Variants in CREG1 observed in about 807,000 individuals in gnomAD.
The protein encoded by CREG1 is protein CREG1.
Under a neutral mutation model 19.9 loss-of-function variants are expected in CREG1, and 20 were observed. That is an observed-to-expected ratio of 1.01 (90% CI 0.71 to 1.46). The LOEUF is 1.46. CREG1 is among the 40% of genes most tolerant of loss of function. The probability of loss-of-function intolerance (pLI) is 0.00; values close to 1 mark genes in which losing one functional copy is unlikely to be tolerated. For missense variants in CREG1, 290 were observed against 314.9 expected (o/e 0.92, Z 0.60); for synonymous variants, 141 against 143.3 (o/e 0.98, Z 0.12).
chr1:167,553,291 G>T, intron 1 of CREG1, 97 bp downstream of exon 1: 2 of 993,572 alleles, frequency 2.0e-6, no homozygotes, highest in Non-Finnish European at 2.7e-6. Flanking sequence ...TTCGAGCCAC[G>T]CTCCACTTCC....
intron 3 of CREG1, among the ~76,000 whole-genome samples, chr1:167,542,606 C>T (rs972910897): frequency 6.6e-6 from 1 of 152,196 alleles, no homozygotes; most frequent in Non-Finnish European, 1.5e-5. Context: ...AGGCCACTGC[C>T]GTGGCTGCTG....
chr1:167,543,485 C>T (rs1656264706), intron 3 of CREG1, among the ~76,000 whole-genome samples: 1 of 132,534 alleles, frequency 7.5e-6, no homozygotes, highest in African/African-American at 2.5e-5. Context: ...CCTTCCAAAA[C>T]CGATCTGGGC....
At chr1:167,545,988 C>T in intron 3 of CREG1, 113 bp downstream of exon 3, 1 of 726,036 alleles carries the variant, frequency 1.4e-6, no homozygotes, top group South Asian at 2.8e-5. Context: ...GCGGCTTTAC[C>T]AGACTGCCCA....
At chr1:167,549,434 G>A (rs1001116064) in intron 1 of CREG1, among the ~76,000 whole-genome samples, 1 of 151,172 alleles carries the variant, frequency 6.6e-6, no homozygotes, top group Non-Finnish European at 1.5e-5. Flanking sequence ...ACCCAGGCTG[G>A]AGTGCAGTGG....
At chr1:167,548,203 G>A in intron 1 of CREG1, 82 bp from the exon 2 acceptor site, 3 of 1,123,130 alleles carry the variant, frequency 2.7e-6, no homozygotes, top group Non-Finnish European at 1.3e-6. Flanking sequence ...CATACATGAT[G>A]TCCCTAGAGC....
chr1:167,553,587 C>A lies in CREG1; in HGVS notation c.155G>T (p.Arg52Leu). 7.0e-7 allele frequency: 1 copy of A among 1,429,380 alleles called. No homozygotes were observed. The highest frequency in any genetic ancestry group is 9.1e-7 in the Non-Finnish European group (1 of 1,096,374). The allele number at this position is 1,429,380 out of a possible 1,614,324, so 88.5% of individuals were successfully genotyped here. A position where few individuals can be genotyped will look rare whatever the true frequency, so the allele number is the denominator to read the frequency against. ...GCGGGCCACGCGCGCCGCGTCCTCGCGGGGTGGTAGCGGCGGCAGCCGGGA... is the reference window on the plus strand; with the variant it reads ...GCGGGCCACGCGCGCCGCGTCCTCGAGGGGTGGTAGCGGCGGCAGCCGGGA... ...EASRLPPLPP[R>L]EDAARVARFV... is the part of the protein sequence containing the mutation. Residue 52 changes from arginine (R) to leucine (L), a missense_variant, in exon 1 of 4, where the codon CGC (arginine) becomes CTC (leucine). Arg to Leu is a moderately radical substitution (Grantham distance 102). Coordinates refer to ENST00000370509, the MANE Select transcript of CREG1 (RefSeq NM_003851.3).
chr1:167,546,317 T>C (rs1162443146), intron 2 of CREG1, 32 bp from the exon 3 acceptor site: 2 of 1,384,116 alleles, frequency 1.4e-6, no homozygotes, highest in African/African-American at 2.9e-5. Flanking sequence ...AACATTCTTA[T>C]GGCAGTAACA....
intron 1 of CREG1, among the ~76,000 whole-genome samples, chr1:167,549,646 G>A (rs1164763442): frequency 6.6e-6 from 1 of 151,966 alleles, no homozygotes; most frequent in Non-Finnish European, 1.5e-5. Context: ...GCCTCCCAAA[G>A]TGCTGGGATT....
At chr1:167,550,752 A>G (rs911934042) in intron 1 of CREG1, among the ~76,000 whole-genome samples, 1 of 152,196 alleles carries the variant, frequency 6.6e-6, no homozygotes, top group African/African-American at 2.4e-5. Context: ...GCAGAAATAT[A>G]GAGAACTTTG....
intron 2 of CREG1, among the ~76,000 whole-genome samples, chr1:167,547,065 A>G (rs779730793): frequency 6.6e-6 from 1 of 152,242 alleles, no homozygotes; most frequent in African/African-American, 2.4e-5. Flanking sequence ...ACTCAACTAC[A>G]GAGATGCATC....
At chr1:167,548,595 T>C (rs1656370526) in intron 1 of CREG1, among the ~76,000 whole-genome samples, 1 of 152,242 alleles carries the variant, frequency 6.6e-6, no homozygotes, top group Non-Finnish European at 1.5e-5. Flanking sequence ...GAAACTGTCA[T>C]GTGATTTCAA....
At chr1:167,548,189 G>T in intron 1 of CREG1, 68 bp from the exon 2 acceptor site, 1 of 1,338,804 alleles carries the variant, frequency 7.5e-7, no homozygotes, top group Non-Finnish European at 1.1e-6. Context: ...AATTTCAAAA[G>T]TTGCATACAT....
At chr1:167,542,340 G>A in intron 3 of CREG1, 39 bp from the exon 4 acceptor site, 1 of 1,573,526 alleles carries the variant, frequency 6.4e-7, no homozygotes, top group Non-Finnish European at 8.6e-7. Context: ...TTGTTAAACT[G>A]GGTTAACAAA....
intron 1 of CREG1, among the ~76,000 whole-genome samples, chr1:167,549,172 G>A (rs1248256463): frequency 6.6e-6 from 1 of 152,188 alleles, no homozygotes; most frequent in Non-Finnish European, 1.5e-5. Flanking sequence ...CAAGAAACCT[G>A]ATTTGCTGGA....
At chr1:167,544,066 A>G (rs1449658070) in intron 3 of CREG1, among the ~76,000 whole-genome samples, 1 of 152,222 alleles carries the variant, frequency 6.6e-6, no homozygotes, top group African/African-American at 2.4e-5. Flanking sequence ...AGTCATCCTG[A>G]TAATTTGTTG....
At chr1:167,547,865 A>T in intron 2 of CREG1, 137 bp downstream of exon 2, 2 of 873,536 alleles carry the variant, frequency 2.3e-6, no homozygotes, top group East Asian at 2.9e-5. Context: ...AGGTTGCAGT[A>T]AGCCGAGATC....
At chr1:167,547,677 T>G (rs192253592) in intron 2 of CREG1, among the ~76,000 whole-genome samples, 40 of 152,212 alleles carry the variant, frequency 2.6e-4, no homozygotes, top group South Asian at 6.2e-4. Context: ...TCTCAGCACT[T>G]TGGGAGGTCG....
At chr1:167,546,445 C>A (rs1056151094) in intron 2 of CREG1, among the ~76,000 whole-genome samples, 160 bp from the exon 3 acceptor site, 5 of 152,000 alleles carry the variant, frequency 3.3e-5, no homozygotes, top group Non-Finnish European at 5.9e-5. Context: ...AGACTCAGAC[C>A]ATCTTGGCTA....
Position 167,553,352 on chromosome 1 carries a change from ACAGCCCGCCTGGGGAAGCCGCGGGCCC to A in CREG1, c.354+9_354+35del. On this transcript the variant is annotated intron_variant, in intron 1 of 3. Transcript: ENST00000370509. Reference sequence around the variant, plus strand: ...GGCTCGCTCTGTGGCCGCCCCGCCCACAGCCCGCCTGGGGAAGCCGCGGGCCCCAGCTCACCTGCAGGTTGCTCACGG... The same window carrying A: ...GGCTCGCTCTGTGGCCGCCCCGCCCACAGCTCACCTGCAGGTTGCTCACGG... 7.5e-7 allele frequency: 1 copy of A among 1,331,376 alleles called. No homozygotes were observed. Among genetic ancestry groups the A allele is most frequent in the Non-Finnish European group, 9.6e-7 (1 of 1,037,298 alleles). 82.5% of individuals were successfully genotyped at this position (1,331,376 alleles called of 1,614,324 possible).
Sources: gnomAD v4.1 joint callset for allele counts (sites outside exome capture counted in the v4.1 genomes callset) on GRCh38, gnomAD v4.1.1 for gene constraint, MANE v1.5 for transcripts, NCBI Gene and HGNC (gene_info 2026-07-23, HGNC 2026-07-21) for gene names.